The following IL1RAPL2 variants were observed in gnomAD, a reference collection of about 807,000 sequenced individuals.
IL1RAPL2 encodes the protein X-linked interleukin-1 receptor accessory protein-like 2.
IL1RAPL2 carries 3 observed loss-of-function variants against 44.1 expected under a neutral mutation model. The observed-to-expected ratio is 0.07, with a 90% CI of 0.03 to 0.18. IL1RAPL2 has a LOEUF of 0.18. Among genes scored for constraint, IL1RAPL2 ranks in the 10% least tolerant of loss-of-function variants. The pLI, the probability that IL1RAPL2 is intolerant of heterozygous loss-of-function variation, is 1.00. For missense variants in IL1RAPL2, 391 were observed against 496.4 expected (o/e 0.79, Z 2.02); for synonymous variants, 181 against 178.8 (o/e 1.01, Z -0.10).
rs1321163277 is a variant in IL1RAPL2 at position 104,920,804 on chromosome X, G to A, written c.82+261809G>A. Among the ~76,000 whole-genome samples the A allele has an allele frequency of 3.6e-5, 4 of 110,406 alleles. No homozygotes were observed. In the East Asian group the frequency reaches 1.1e-3, roughly 32 times the overall value. On this transcript the variant is annotated intron_variant, in intron 2 of 10. Coordinates refer to ENST00000372582, the MANE Select transcript of IL1RAPL2 (RefSeq NM_017416.2). ...ATTTTAAAAACACTAAAAAAGGAGA[G>A]ATTAAAGATGCTGATTAGATACAGC... is the stretch of plus-strand genomic sequence containing the variant.
rs776517985 is a variant in IL1RAPL2, at chrX:104,879,332, C to T, written c.82+220337C>T. Among the ~76,000 whole-genome samples, 38 of 54,002 alleles carry T rather than the reference C, an allele frequency of 7.0e-4. No individual in the cohort carries two copies. In the South Asian group the frequency reaches 0.024, roughly 35 times the overall value. 46.9% of individuals were successfully genotyped at this position (54,002 alleles called of 115,157 possible). The stretch of plus-strand genomic sequence containing the variant: ...AGCAAACAAACAAAAAACCCAAACA[C>T]GTTAATTTGTAAAAGAGACCAAGCA... On this transcript the variant is annotated intron_variant, in intron 2 of 10. Coordinates refer to ENST00000372582, the MANE Select transcript of IL1RAPL2 (RefSeq NM_017416.2).
At chrX:105,591,908 G>T (rs1164475045) in intron 6 of IL1RAPL2, among the ~76,000 whole-genome samples, 3 of 111,249 alleles carry the variant, frequency 2.7e-5, no homozygotes, top group Non-Finnish European at 5.7e-5. Context: ...TGGGTGGAGA[G>T]TTCTGTAGAT....
intron 2 of IL1RAPL2, among the ~76,000 whole-genome samples, chrX:105,017,697 G>A (rs769609831): frequency 9.0e-6 from 1 of 111,201 alleles, no homozygotes; most frequent in Non-Finnish European, 1.9e-5. Context: ...ATAGAGAGTG[G>A]AGAGGGAGTA....
chrX:105,363,312 T>G (rs1472830476), intron 5 of IL1RAPL2, among the ~76,000 whole-genome samples: 1 of 86,507 alleles, frequency 1.2e-5, no homozygotes, highest in Non-Finnish European at 2.1e-5. Flanking sequence ...ATATATAATA[T>G]ATATATATAT....
intron 1 of IL1RAPL2, among the ~76,000 whole-genome samples, chrX:104,581,342 A>G (rs1928341267): frequency 8.9e-6 from 1 of 112,137 alleles, no homozygotes; most frequent in Non-Finnish European, 1.9e-5. Context: ...TTTACTGTGA[A>G]GACTAATAAA....
intron 6 of IL1RAPL2, among the ~76,000 whole-genome samples, chrX:105,653,724 G>A (rs2037657403): frequency 9.0e-6 from 1 of 111,331 alleles, no homozygotes; most frequent in Non-Finnish European, 1.9e-5. Context: ...TAACTTGAAG[G>A]TATATCTTTA....
intron 5 of IL1RAPL2, among the ~76,000 whole-genome samples, chrX:105,468,423 A>G (rs1161967378): frequency 5.3e-5 from 4 of 75,640 alleles, no homozygotes; most frequent in African/African-American, 2.0e-4. Flanking sequence ...CAGTTTCTGT[A>G]TAGTAAAGTT....
intron 2 of IL1RAPL2, among the ~76,000 whole-genome samples, chrX:104,979,045 G>T (rs2030388681): frequency 1.8e-5 from 2 of 111,113 alleles, no homozygotes; most frequent in Admixed American, 1.9e-4. Context: ...TGTGAGAATA[G>T]CTAGGATAAT....
chrX:104,677,964 G>A (rs1930815316), intron 2 of IL1RAPL2, among the ~76,000 whole-genome samples: 1 of 112,282 alleles, frequency 8.9e-6, no homozygotes, highest in Admixed American at 9.3e-5. Flanking sequence ...CTCGCGCATG[G>A]TGCGCGCACC....
At chrX:105,755,428 G>C in intron 10 of IL1RAPL2, 81 bp downstream of exon 10, 1 of 708,986 alleles carries the variant, frequency 1.4e-6, no homozygotes, top group Non-Finnish European at 2.1e-6. Flanking sequence ...TCAGAGCCAA[G>C]TATTTAGACA....
chrX:105,618,825 G>A (rs150891050), intron 6 of IL1RAPL2, among the ~76,000 whole-genome samples: 1,974 of 111,422 alleles, frequency 0.018, 18 homozygotes, highest in Middle Eastern at 0.051. Context: ...TTTCAATTAG[G>A]ATATCTGTTG....
At chrX:104,740,212 A>G (rs1932080421) in intron 2 of IL1RAPL2, among the ~76,000 whole-genome samples, 1 of 111,217 alleles carries the variant, frequency 9.0e-6, no homozygotes, top group Non-Finnish European at 1.9e-5. Context: ...GAGTTCTAGT[A>G]CATGGTTTCA....
At chrX:105,685,790 G>C (rs1291017556) in intron 6 of IL1RAPL2, among the ~76,000 whole-genome samples, 1 of 111,617 alleles carries the variant, frequency 9.0e-6, no homozygotes, top group Non-Finnish European at 1.9e-5. Context: ...AAGTGTTAAG[G>C]GCAGCCAGAG....
At chrX:105,327,922 A>T (rs7876119) in intron 5 of IL1RAPL2, among the ~76,000 whole-genome samples, 12,461 of 111,133 alleles carry the variant, frequency 0.11, 1,721 homozygotes, top group African/African-American at 0.39. Context: ...CTTTCTCAGC[A>T]ATGTTTTCAT....
rs191818538 is a variant in IL1RAPL2 at position 105,032,142 on chromosome X, G to A, written c.83-163333G>A. On this transcript the variant is annotated intron_variant, in intron 2 of 10. Coordinates refer to ENST00000372582, the MANE Select transcript of IL1RAPL2 (RefSeq NM_017416.2). ...TTTCTTCTTTGTTAGTCTTGCTAGCGGTCTATCAATTTTGTTGATCTTTTC... is the reference window on the plus strand; with the variant it reads ...TTTCTTCTTTGTTAGTCTTGCTAGCAGTCTATCAATTTTGTTGATCTTTTC... Among the ~76,000 whole-genome samples the A allele has an allele frequency of 1.8e-3, 201 of 110,492 alleles. 3 individuals carry two copies. The highest frequency in any genetic ancestry group is 0.015 in the Admixed American group (150 of 10,303).
chrX:105,674,352 A>G (rs777993506), intron 6 of IL1RAPL2, among the ~76,000 whole-genome samples: 45 of 111,917 alleles, frequency 4.0e-4, no homozygotes, highest in African/African-American at 1.3e-3. Context: ...TTAATAAGGT[A>G]TGAGGAAGGG....
At chrX:105,278,816 C>T (rs1289674201) in intron 5 of IL1RAPL2, among the ~76,000 whole-genome samples, 1 of 111,287 alleles carries the variant, frequency 9.0e-6, no homozygotes, top group Admixed American at 9.6e-5. Flanking sequence ...TCTTAAAGCA[C>T]CCTGTTACAA....
chrX:105,652,081 A>G (rs1169148772), intron 6 of IL1RAPL2, among the ~76,000 whole-genome samples: 1 of 111,698 alleles, frequency 9.0e-6, no homozygotes, highest in Non-Finnish European at 1.9e-5. Flanking sequence ...AGCTAGAAAG[A>G]GAAACTGTCA....
At chrX:104,751,842 G>A (rs943658126) in intron 2 of IL1RAPL2, among the ~76,000 whole-genome samples, 1 of 111,081 alleles carries the variant, frequency 9.0e-6, no homozygotes, top group Non-Finnish European at 1.9e-5. Context: ...TTCAAATCTC[G>A]TTATTTAACC....
Sources: gnomAD v4.1 joint callset for allele counts (sites outside exome capture counted in the v4.1 genomes callset) on GRCh38, gnomAD v4.1.1 for gene constraint, MANE v1.5 for transcripts, NCBI Gene and HGNC (gene_info 2026-07-23, HGNC 2026-07-21) for gene names.